The following MED13L variants were observed in gnomAD, a reference collection of about 807,000 sequenced individuals.
MED13L encodes mediator complex subunit 13L.
A neutral mutation model predicts 220.9 loss-of-function variants in MED13L; 7 were observed. That is an observed-to-expected ratio of 0.03 (90% CI 0.02 to 0.06). MED13L has a LOEUF of 0.06. Among genes scored for constraint, MED13L ranks in the 10% least tolerant of loss-of-function variants. The pLI is 1.00. For synonymous variants in MED13L, 1,011 were observed against 1,015.2 expected (o/e 1.00, Z 0.08); for missense variants, 1,965 against 2,760.5 (o/e 0.71, Z 6.46).
intron 2 of MED13L, among the ~76,000 whole-genome samples, chr12:116,196,772 G>T (rs1449804407): frequency 6.6e-6 from 1 of 152,222 alleles, no homozygotes; most frequent in East Asian, 1.9e-4. Context: ...TGTCTACATA[G>T]CTTAAGAATC....
intron 4 of MED13L, among the ~76,000 whole-genome samples, chr12:116,025,388 C>G (rs559806305): frequency 6.6e-6 from 1 of 152,230 alleles, no homozygotes; most frequent in African/African-American, 2.4e-5. Flanking sequence ...GTGATATACC[C>G]AAAGGAAATG....
intron 2 of MED13L, among the ~76,000 whole-genome samples, chr12:116,115,707 AG>A (rs1294643278): frequency 6.6e-6 from 1 of 152,198 alleles, no homozygotes; most frequent in Non-Finnish European, 1.5e-5. Context: ...AGATTTGAAC[AG>A]ACGGTTCACC....
In MED13L at chr12:115,986,360, T is replaced by G; in HGVS notation, c.4244A>C (p.His1415Pro). The G allele has an allele frequency of 6.2e-7, 1 of 1,614,096 alleles. No individual in the cohort carries two copies. ...ERLLLDPYGGHRDVAYIVVCP... is the reference protein window; with the variant it reads ...ERLLLDPYGGPRDVAYIVVCP... ...CACCACAATATAGGCAACATCACGG[T>G]GGCCCCCATATGGGTCCAACAAGAG... Residue 1415 changes from histidine to proline, a missense_variant, in exon 19 of 31, where the codon CAC becomes CCC. This residue lies in a region of MED13L where 510 missense variants were observed against 620.4 expected (regional missense o/e 0.82). Coordinates refer to ENST00000281928, the MANE Select transcript of MED13L (RefSeq NM_015335.5).
chr12:116,248,243 T>C (rs965916755), intron 1 of MED13L, among the ~76,000 whole-genome samples: 4 of 152,256 alleles, frequency 2.6e-5, no homozygotes, highest in South Asian at 2.1e-4. Flanking sequence ...TCTTCTGTTA[T>C]ATGGAAGGCT....
chr12:116,157,729 C>T lies in MED13L; in HGVS notation c.311-46217G>A, dbSNP rs1217927984. Among the ~76,000 whole-genome samples the T allele has an allele frequency of 2.0e-5, 3 of 152,230 alleles. No homozygotes were observed. In the East Asian group the frequency reaches 5.8e-4, roughly 29 times the overall value. ...ATTTAGTCTTATAATGCAAACATTA[C>T]GTTATTATGGTGCTTTTGTGGTCCC... On this transcript the variant is annotated intron_variant, in intron 2 of 30. Transcript: ENST00000281928.
intron 1 of MED13L, among the ~76,000 whole-genome samples, chr12:116,256,095 T>G (rs984983908): frequency 2.0e-5 from 3 of 152,188 alleles, no homozygotes; most frequent in Non-Finnish European, 4.4e-5. Context: ...GCAGAGCAAT[T>G]AGAACTCCTA....
rs200941970 is a variant in MED13L at position 116,076,702 on chromosome 12, A to G, written c.479+19967T>C. On this transcript the variant is annotated intron_variant, in intron 4 of 30. Transcript: ENST00000281928. ...CAAGTCTGAACTAAGCCCTCAAAAG[A>G]AGGCTTGTTTTTGAGGGTTTTTTAA... 1.3e-4 allele frequency among the ~76,000 whole-genome samples: 20 copies of G among 152,282 alleles called. No homozygotes were observed. The East Asian group carries it at 1.9e-3, about 15-fold the overall frequency.
chr12:116,156,402 T>TAAAAAAAAAAA lies in MED13L; in HGVS notation c.311-44901_311-44891dup, dbSNP rs11366103. Reference sequence around the variant, plus strand: ...TGTAAATGTAAAGTCTCCAATTACTTAAAAAAAAAAAAAAAAAAAAACTTT... The same window carrying TAAAAAAAAAAA: ...TGTAAATGTAAAGTCTCCAATTACTTAAAAAAAAAAAAAAAAAAAAAAAAAAAAAAAACTTT... On this transcript the variant is annotated intron_variant, in intron 2 of 30. Transcript: ENST00000281928. 3.8e-4 allele frequency among the ~76,000 whole-genome samples: 45 copies of TAAAAAAAAAAA among 119,430 alleles called. 1 individual carries two copies. Among genetic ancestry groups the TAAAAAAAAAAA allele is most frequent in the African/African-American group, 1.2e-3 (37 of 32,040 alleles). The allele number at this position is 119,430 out of a possible 152,430, so 78.4% of individuals were successfully genotyped here. A position where few individuals can be genotyped will look rare whatever the true frequency, so the allele number is the denominator to read the frequency against.
intron 2 of MED13L, among the ~76,000 whole-genome samples, chr12:116,146,764 A>T (rs1296900924): frequency 6.6e-6 from 1 of 152,056 alleles, no homozygotes; most frequent in Non-Finnish European, 1.5e-5. Context: ...GCTTCTTGGG[A>T]GGCTGAGGCA....
At chr12:116,274,204 C>A (rs1384570473) in intron 1 of MED13L, among the ~76,000 whole-genome samples, 1 of 151,884 alleles carries the variant, frequency 6.6e-6, no homozygotes, top group African/African-American at 2.4e-5. Context: ...TGATTCCGTG[C>A]AGTAAAAAAT....
chr12:115,987,904 C>T (rs1239199275), intron 17 of MED13L, among the ~76,000 whole-genome samples: 1 of 152,170 alleles, frequency 6.6e-6, no homozygotes, highest in Non-Finnish European at 1.5e-5. Context: ...TCCCAGCAGT[C>T]GCCCTGGGGA....
At chr12:116,129,001 G>A (rs77421137) in intron 2 of MED13L, among the ~76,000 whole-genome samples, 6,710 of 151,878 alleles carry the variant, frequency 0.044, 187 homozygotes, top group East Asian at 0.086. Context: ...TTTTGTGGAC[G>A]TTTTAGTAAT....
intron 2 of MED13L, among the ~76,000 whole-genome samples, chr12:116,157,740 T>G (rs964275983): frequency 1.3e-5 from 2 of 152,262 alleles, no homozygotes; most frequent in Non-Finnish European, 2.9e-5. Flanking sequence ...GTTATTATGG[T>G]GCTTTTGTGG....
At chr12:116,074,861 TA>T (rs1870657515) in intron 4 of MED13L, among the ~76,000 whole-genome samples, 1 of 152,262 alleles carries the variant, frequency 6.6e-6, no homozygotes, top group African/African-American at 2.4e-5. Flanking sequence ...CCACTGCATA[TA>T]AATTCAGAGA....
At chr12:116,141,230 T>A (rs1877043184) in intron 2 of MED13L, among the ~76,000 whole-genome samples, 1 of 152,328 alleles carries the variant, frequency 6.6e-6, no homozygotes, top group South Asian at 2.1e-4. Context: ...CTGTTAACAT[T>A]CTGTATTCAA....
At chr12:116,239,145 C>CA (rs1039309754) in intron 1 of MED13L, among the ~76,000 whole-genome samples, 8 of 149,320 alleles carry the variant, frequency 5.4e-5, no homozygotes, top group Admixed American at 1.3e-4. Context: ...AAACAAACAA[C>CA]AAAAAAAAAG....
At chr12:116,007,663 AAAG>A (rs1879141092) in intron 10 of MED13L, 27 bp from the exon 11 acceptor site, 2 of 1,555,842 alleles carry the variant, frequency 1.3e-6, no homozygotes, top group South Asian at 2.4e-5. Context: ...AAAAAAAAAA[AAAG>A]AGCATTTATG....
chr12:115,965,485 G>A (rs895859859), intron 29 of MED13L, among the ~76,000 whole-genome samples: 2 of 152,172 alleles, frequency 1.3e-5, no homozygotes, highest in African/African-American at 4.8e-5. Context: ...AACACAGTAT[G>A]CTGCCAAATC....
At chr12:116,106,040 C>T (rs971368898) in intron 3 of MED13L, among the ~76,000 whole-genome samples, 1 of 152,210 alleles carries the variant, frequency 6.6e-6, no homozygotes, top group African/African-American at 2.4e-5. Flanking sequence ...GCCCTGCCAA[C>T]ATGAGTTGTG....
Sources: gnomAD v4.1 joint callset for allele counts (sites outside exome capture counted in the v4.1 genomes callset) on GRCh38, gnomAD v4.1.1 for gene constraint, gnomAD v4.1.1 regional missense constraint, MANE v1.5 for transcripts, NCBI Gene and HGNC (gene_info 2026-07-23, HGNC 2026-07-21) for gene names.